The following TBL1XR1 variants were observed in gnomAD, a reference collection of about 807,000 sequenced individuals.
TBL1XR1 encodes TBL1X/Y related 1.
In TBL1XR1, 5 loss-of-function variants were observed where a neutral mutation model predicts 66.9. That is an observed-to-expected ratio of 0.07 (90% CI 0.04 to 0.16). The LOEUF is 0.16. TBL1XR1 is among the 10% of genes least tolerant of loss of function. TBL1XR1 has a pLI of 1.00. For missense variants in TBL1XR1, 238 were observed against 623.2 expected, an observed-to-expected ratio of 0.38 and a Z score of 6.58; for synonymous variants, 210 against 206.0, an observed-to-expected ratio of 1.02 and a Z score of -0.17.
intron 10 of TBL1XR1, among the ~76,000 whole-genome samples, chr3:177,042,921 A>G (rs1315915249): frequency 6.6e-6 from 1 of 152,120 alleles, no homozygotes; most frequent in East Asian, 1.9e-4. Flanking sequence ...TTTAAAAAAA[A>G]AAGCCTTTAT....
intron 1 of TBL1XR1, among the ~76,000 whole-genome samples, chr3:177,140,452 C>A (rs892495767): frequency 1.3e-5 from 2 of 152,148 alleles, no homozygotes; most frequent in South Asian, 2.1e-4. Context: ...TATCAATTTA[C>A]GACATGAAAA....
At chr3:177,073,897 T>C (rs936040771) in intron 2 of TBL1XR1, among the ~76,000 whole-genome samples, 2 of 152,172 alleles carry the variant, frequency 1.3e-5, no homozygotes, top group Admixed American at 6.5e-5. Context: ...TGCCAAAGGG[T>C]TGCAATCCCT....
chr3:177,199,746 A>G (rs1045854410), upstream of TBL1XR1, among the ~76,000 whole-genome samples: 1 of 152,054 alleles, frequency 6.6e-6, no homozygotes, highest in Non-Finnish European at 1.5e-5. Flanking sequence ...TATACCCTAC[A>G]CCAAGCTGCC....
intron 1 of TBL1XR1, among the ~76,000 whole-genome samples, chr3:177,185,326 C>T (rs938248213): frequency 1.3e-5 from 2 of 152,168 alleles, no homozygotes; most frequent in African/African-American, 2.4e-5. Flanking sequence ...AGCAGCCAAC[C>T]GGCCAGGGGC....
At chr3:177,135,628 C>T (rs901032283) in intron 1 of TBL1XR1, among the ~76,000 whole-genome samples, 3 of 151,198 alleles carry the variant, frequency 2.0e-5, no homozygotes, top group African/African-American at 4.9e-5. Context: ...GTGATCCGCC[C>T]GCCTCGGCCT....
At chr3:177,143,964 T>C (rs1729938228) in intron 1 of TBL1XR1, among the ~76,000 whole-genome samples, 1 of 152,108 alleles carries the variant, frequency 6.6e-6, no homozygotes, top group Non-Finnish European at 1.5e-5. Flanking sequence ...GAAAGTGACA[T>C]ATTCAGGCCG....
chr3:177,025,472 C>T lies in TBL1XR1; in HGVS notation c.*26G>A, dbSNP rs1417198146. On this transcript the variant is annotated 3_prime_UTR_variant, in exon 16 of 16. Coordinates refer to ENST00000457928, the MANE Select transcript of TBL1XR1 (RefSeq NM_024665.7). ...TTTTGGCTATGTACACATTCATAGT[C>T]GGTCCATGGCTTCCAACTAGTAGCG... 4 of 1,611,428 alleles carry T rather than the reference C, an allele frequency of 2.5e-6. No homozygotes were observed. Among genetic ancestry groups the T allele is most frequent in the Admixed American group, 1.7e-5 (1 of 59,900 alleles).
chr3:177,164,621 T>C (rs1311581617), intron 1 of TBL1XR1, among the ~76,000 whole-genome samples: 11 of 152,234 alleles, frequency 7.2e-5, no homozygotes, highest in Admixed American at 5.2e-4. Flanking sequence ...GTGCTGGGAT[T>C]ACAGGCGTGA....
intron 3 of TBL1XR1, among the ~76,000 whole-genome samples, chr3:177,062,001 C>T (rs766873391): frequency 6.6e-6 from 1 of 152,118 alleles, no homozygotes; most frequent in African/African-American, 2.4e-5. Context: ...CTATCTGAAC[C>T]CTGTCCTGAG....
At chr3:177,188,941 C>T (rs1415241373) in intron 1 of TBL1XR1, among the ~76,000 whole-genome samples, 1 of 152,226 alleles carries the variant, frequency 6.6e-6, no homozygotes, top group Non-Finnish European at 1.5e-5. Flanking sequence ...GGTGCGGTGG[C>T]TCACGCCTGT....
At chr3:177,067,501 G>A (rs186648755) in intron 2 of TBL1XR1, among the ~76,000 whole-genome samples, 5 of 152,178 alleles carry the variant, frequency 3.3e-5, no homozygotes, top group Admixed American at 2.6e-4. Flanking sequence ...ACCACCTAAT[G>A]CATTCCAGGG....
intron 11 of TBL1XR1, 41 bp from the exon 12 acceptor site, chr3:177,038,213 C>G (rs1346992543): frequency 6.2e-7 from 1 of 1,606,380 alleles, no homozygotes; most frequent in East Asian, 2.2e-5. Flanking sequence ...ATTGTATAGA[C>G]TGGGTAGCTA....
At chr3:177,144,417 G>C (rs1443505321) in intron 1 of TBL1XR1, among the ~76,000 whole-genome samples, 1 of 152,064 alleles carries the variant, frequency 6.6e-6, no homozygotes, top group East Asian at 1.9e-4. Context: ...AAGGCCAAAG[G>C]TCTCTGTTGC....
At chr3:177,146,606 A>AAAAAAAAAAAAAAAAAAAAAC (rs1205769599) in intron 1 of TBL1XR1, among the ~76,000 whole-genome samples, 1 of 149,796 alleles carries the variant, frequency 6.7e-6, no homozygotes, top group Non-Finnish European at 1.5e-5. Flanking sequence ...AAAAAAAAAA[A>AAAAAAAAAAAAAAAAAAAAAC]AGTTGTATTC....
At chr3:177,069,693 C>T (rs766985571) in intron 2 of TBL1XR1, among the ~76,000 whole-genome samples, 7 of 151,042 alleles carry the variant, frequency 4.6e-5, no homozygotes, top group Non-Finnish European at 8.8e-5. Flanking sequence ...GAGCCGAGAT[C>T]GCACCACTGC....
At chr3:177,104,466 T>C (rs912539971) in intron 1 of TBL1XR1, among the ~76,000 whole-genome samples, 3 of 152,154 alleles carry the variant, frequency 2.0e-5, no homozygotes, top group African/African-American at 7.2e-5. Flanking sequence ...TCATTTCCCA[T>C]GGAATTACAC....
upstream of TBL1XR1, among the ~76,000 whole-genome samples, chr3:177,200,865 G>C (rs371159883): frequency 4.6e-5 from 7 of 151,848 alleles, no homozygotes; most frequent in African/African-American, 1.7e-4. Context: ...ATATTAGTCG[G>C]GCGTGGTGGC....
chr3:177,057,087 C>G (rs1717899073), intron 3 of TBL1XR1, among the ~76,000 whole-genome samples: 1 of 152,160 alleles, frequency 6.6e-6, no homozygotes, highest in Admixed American at 6.6e-5. Flanking sequence ...TTCTGTCTCT[C>G]CAGTCTCATC....
At chr3:177,063,763 T>C (rs1577060459) in intron 3 of TBL1XR1, among the ~76,000 whole-genome samples, 1 of 152,214 alleles carries the variant, frequency 6.6e-6, no homozygotes, top group Non-Finnish European at 1.5e-5. Flanking sequence ...TCATTATAAA[T>C]TATTCTCTGT....
Sources: allele counts gnomAD v4.1 joint callset (sites outside exome capture counted in the v4.1 genomes callset), GRCh38; gene constraint gnomAD v4.1.1; transcripts MANE v1.5; gene names NCBI Gene and HGNC (gene_info 2026-07-23, HGNC 2026-07-21).